The following AQP11 variants were observed in gnomAD, a reference collection of about 807,000 sequenced individuals.
AQP11 encodes the protein aquaporin 11, also known as aquaporin-11.
In AQP11, 20 loss-of-function variants were observed where a neutral mutation model predicts 21.1. That is an observed-to-expected ratio of 0.95 (90% CI 0.67 to 1.38). AQP11 has a LOEUF of 1.38. Ranked by LOEUF, AQP11 falls within the 40% of genes most tolerant of loss-of-function variation. The pLI, the probability that AQP11 is intolerant of heterozygous loss-of-function variation, is 0.00. For synonymous variants in AQP11, 167 were observed against 150.1 expected (o/e 1.11, Z -0.82); for missense variants, 339 against 340.4 (o/e 1.00, Z 0.03).
At chr11:77,606,619 G>A (rs1485422035) in intron 2 of AQP11, among the ~76,000 whole-genome samples, 1 of 152,128 alleles carries the variant, frequency 6.6e-6, no homozygotes, top group Non-Finnish European at 1.5e-5. Flanking sequence ...GTGCAATCTT[G>A]GCTGCAACCT....
chr11:77,593,640 G>C (rs953116380), intron 1 of AQP11, among the ~76,000 whole-genome samples: 1 of 150,776 alleles, frequency 6.6e-6, no homozygotes, highest in Non-Finnish European at 1.5e-5. Context: ...GCGAGACTCC[G>C]TCTCAAAAAA....
intron 1 of AQP11, among the ~76,000 whole-genome samples, chr11:77,601,809 G>C (rs1958817057): frequency 6.6e-6 from 1 of 152,180 alleles, no homozygotes; most frequent in East Asian, 1.9e-4. Context: ...TGTCATCTAA[G>C]ATGCCTCAGT....
chr11:77,600,805 G>T (rs917877597), intron 1 of AQP11, among the ~76,000 whole-genome samples: 1 of 152,128 alleles, frequency 6.6e-6, no homozygotes, highest in African/African-American at 2.4e-5. Flanking sequence ...GAGGTCAGGA[G>T]ATCGAGACCA....
rs2135748795 is a variant in AQP11 at position 77,601,047 on chromosome 11, C to T, written c.620-2509C>T. On this transcript the variant is annotated intron_variant, in intron 1 of 2. Coordinates refer to ENST00000313578, the MANE Select transcript of AQP11 (RefSeq NM_173039.3). Reference sequence around the variant, plus strand: ...AAAAAAAATCTTGTATATGTCTTCTCATACACAAATACCAGTGTTTCTCTA... The same window carrying T: ...AAAAAAAATCTTGTATATGTCTTCTTATACACAAATACCAGTGTTTCTCTA... Among the ~76,000 whole-genome samples, 2 of 151,950 alleles carry T rather than the reference C, an allele frequency of 1.3e-5. 1 individual carries two copies. Among genetic ancestry groups the T allele is most frequent in the South Asian group, 4.2e-4 (2 of 4,818 alleles).
At chr11:77,603,109 C>G (rs566463829) in intron 1 of AQP11, among the ~76,000 whole-genome samples, 6 of 152,176 alleles carry the variant, frequency 3.9e-5, no homozygotes, top group Admixed American at 6.6e-5. Flanking sequence ...AATGATAAAG[C>G]TTTGGTCTAT....
chr11:77,591,722 A>T (rs1958749121), intron 1 of AQP11, among the ~76,000 whole-genome samples: 1 of 151,974 alleles, frequency 6.6e-6, no homozygotes, highest in Non-Finnish European at 1.5e-5. Context: ...ATACAAAAAA[A>T]ATTTAGCCAG....
At chr11:77,607,268 T>C (rs1240689534) in intron 2 of AQP11, among the ~76,000 whole-genome samples, 1 of 151,918 alleles carries the variant, frequency 6.6e-6, no homozygotes, top group Non-Finnish European at 1.5e-5. Context: ...CTGAAAAGAA[T>C]GGGAAAAAAT....
rs1260019968 is a variant in AQP11, at chr11:77,609,350, C to T, written c.789C>T (p.Asn263=). The T allele has an allele frequency of 3.7e-6, 6 of 1,612,860 alleles. No homozygotes were observed. Among genetic ancestry groups the T allele is most frequent in the Admixed American group, 3.3e-5 (2 of 59,878 alleles). ...MFSFFLPWLH[N]NHTINKKE ...GCTTTTTCCTTCCATGGCTGCATAA[C>T]AACCATACAATTAATAAAAAGGAAT... Residue 263 remains asparagine (N), a synonymous_variant, in exon 3 of 3, where the codon AAC becomes AAT. Transcript: ENST00000313578.
At chr11:77,608,317 T>C (rs534482812) in intron 2 of AQP11, among the ~76,000 whole-genome samples, 1 of 152,358 alleles carries the variant, frequency 6.6e-6, no homozygotes, top group East Asian at 1.9e-4. Flanking sequence ...AGATTACCAA[T>C]ATGTGAATTT....
Position 77,609,383 on chromosome 11 carries a change from C to T in AQP11, c.*6C>T. On this transcript the variant is annotated 3_prime_UTR_variant, in exon 3 of 3. Coordinates refer to ENST00000313578, the MANE Select transcript of AQP11 (RefSeq NM_173039.3). ...CAATTAATAAAAAGGAATAACTGTT[C>T]CAAAGACTCAGACTAACATACAGGA... 2 of 1,607,336 alleles carry T rather than the reference C, an allele frequency of 1.2e-6. No individual in the cohort carries two copies. Among genetic ancestry groups the T allele is most frequent in the Non-Finnish European group, 8.5e-7 (1 of 1,175,542 alleles).
rs1002095990 is a variant in AQP11, at chr11:77,609,529, TA to T, written c.*161del. ...CTTATAGTTTTCATCACTGGGACTTTAAAAAAAAATTACTGTGAAAATGAGG... is the reference window on the plus strand; with the variant it reads ...CTTATAGTTTTCATCACTGGGACTTTAAAAAAAATTACTGTGAAAATGAGG... On this transcript the variant is annotated 3_prime_UTR_variant, in exon 3 of 3. Transcript: ENST00000313578. 373 of 478,204 alleles carry T rather than the reference TA, an allele frequency of 7.8e-4. No homozygotes were observed. Among genetic ancestry groups the T allele is most frequent in the South Asian group, 1.6e-3 (30 of 18,844 alleles). The allele number at this position is 478,204 out of a possible 1,614,324, so 29.6% of individuals were successfully genotyped here.
At chr11:77,603,710 G>A in intron 2 of AQP11, 38 bp downstream of exon 2, 9 of 1,434,584 alleles carry the variant, frequency 6.3e-6, no homozygotes, top group Non-Finnish European at 8.6e-6. Context: ...GAAAGATTAG[G>A]GTATTTTAAA....
Position 77,590,403 on chromosome 11 carries a change from C to T in AQP11, c.411C>T (p.Ala137=), listed in dbSNP as rs757453772. 3.7e-6 allele frequency: 6 copies of T among 1,613,904 alleles called. No individual in the cohort carries two copies. In the African/African-American group the frequency reaches 6.7e-5, roughly 18 times the overall value. Residue 137 remains alanine, a synonymous_variant, in exon 1 of 3, where the codon GCC becomes GCT. Transcript: ENST00000313578. ...TGTGCAGCAGGTACTGCACAAGCGC[C>T]TTGTGGAGCTTGGGTCTGACCCAGT... is the stretch of plus-strand genomic sequence containing the variant. ...SALCSRYCTS[A]LWSLGLTQYH...
At chr11:77,592,057 G>A (rs1958752096) in intron 1 of AQP11, among the ~76,000 whole-genome samples, 1 of 152,174 alleles carries the variant, frequency 6.6e-6, no homozygotes, top group African/African-American at 2.4e-5. Flanking sequence ...CTTGAGCCCA[G>A]GCGTTCGAGA....
At chr11:77,603,785 A>G in intron 2 of AQP11, 113 bp downstream of exon 2, 2 of 752,348 alleles carry the variant, frequency 2.7e-6, no homozygotes, top group Non-Finnish European at 4.1e-6. Context: ...CAAAACAGAA[A>G]ATGAAAAAGG....
intron 2 of AQP11, among the ~76,000 whole-genome samples, chr11:77,604,915 C>T (rs981962830): frequency 6.6e-6 from 1 of 152,140 alleles, no homozygotes. Flanking sequence ...GTTTTTAGGC[C>T]GGGCGCAGTG....
chr11:77,604,950 T>C (rs1200564071), intron 2 of AQP11, among the ~76,000 whole-genome samples: 3 of 152,170 alleles, frequency 2.0e-5, no homozygotes, highest in Middle Eastern at 3.2e-3. Flanking sequence ...TCCCAGTACT[T>C]TGGGAGGCCG....
Position 77,590,628 on chromosome 11 carries a change from A to G in AQP11, c.619+17A>G, listed in dbSNP as rs746704804. The G allele has an allele frequency of 1.2e-6, 2 of 1,601,684 alleles. No individual in the cohort carries two copies. The highest frequency in any genetic ancestry group is 1.7e-6 in the Non-Finnish European group (2 of 1,173,430). ...TCTATGCAGGTTTGTCATTCTCACC[A>G]AATACTTGGCACTTCCAGAGCCTCT... On this transcript the variant is annotated intron_variant, in intron 1 of 2. Coordinates refer to ENST00000313578, the MANE Select transcript of AQP11 (RefSeq NM_173039.3).
intron 1 of AQP11, among the ~76,000 whole-genome samples, chr11:77,591,706 C>G (rs576943703): frequency 6.6e-6 from 1 of 152,016 alleles, no homozygotes; most frequent in East Asian, 1.9e-4. Context: ...CCCGTCTCTA[C>G]TAAAAATACA....
Sources: gnomAD v4.1 joint callset for allele counts (sites outside exome capture counted in the v4.1 genomes callset) on GRCh38, gnomAD v4.1.1 for gene constraint, MANE v1.5 for transcripts, NCBI Gene and HGNC (gene_info 2026-07-23, HGNC 2026-07-21) for gene names.